PHEX: variants seen among roughly 807,000 people sequenced by gnomAD.
The protein encoded by PHEX is phosphate regulating endopeptidase X-linked, also known as phosphate-regulating neutral endopeptidase PHEX.
PHEX carries 16 observed loss-of-function variants against 68.0 expected under a neutral mutation model. The observed-to-expected ratio is 0.24, with a 90% CI of 0.16 to 0.36. The LOEUF is 0.36. PHEX is among the 10% of genes least tolerant of loss of function. The probability of loss-of-function intolerance (pLI) is 1.00; values close to 1 mark genes in which losing one functional copy is unlikely to be tolerated. For missense variants in PHEX, 480 were observed against 575.5 expected (o/e 0.83, Z 1.70); for synonymous variants, 208 against 205.1 (o/e 1.01, Z -0.12).
At chrX:22,216,492 C>CTTGCTTAT (rs1405603479) in intron 16 of PHEX, among the ~76,000 whole-genome samples, 16 of 88,041 alleles carry the variant, frequency 1.8e-4, no homozygotes, top group African/African-American at 7.3e-4. Flanking sequence ...TTTTTTTATG[C>CTTGCTTAT]TTATTTATTT....
intron 9 of PHEX, among the ~76,000 whole-genome samples, chrX:22,110,430 A>C (rs1438886619): frequency 8.9e-6 from 1 of 112,236 alleles, no homozygotes; most frequent in Non-Finnish European, 1.9e-5. Flanking sequence ...TTTTGTAGAC[A>C]TATTCTTTTT....
intron 3 of PHEX, among the ~76,000 whole-genome samples, chrX:22,053,465 G>C (rs1927931329): frequency 9.0e-6 from 1 of 111,278 alleles, no homozygotes; most frequent in Admixed American, 9.6e-5. Context: ...ATTCCGACTT[G>C]GGAAATAAAA....
At chrX:22,170,032 ATT>A (rs1050016924) in intron 13 of PHEX, among the ~76,000 whole-genome samples, 2 of 112,430 alleles carry the variant, frequency 1.8e-5, no homozygotes, top group Non-Finnish European at 3.8e-5. Context: ...CATATAAAAT[ATT>A]CCATTTCATT....
At chrX:22,037,071 C>G (rs1158428165) in intron 1 of PHEX, among the ~76,000 whole-genome samples, 1 of 101,034 alleles carries the variant, frequency 9.9e-6, no homozygotes, top group Non-Finnish European at 2.0e-5. Flanking sequence ...TGCACTCCAG[C>G]CTGGGTGACA....
intron 20 of PHEX, among the ~76,000 whole-genome samples, chrX:22,236,918 A>G (rs1936001394): frequency 8.9e-6 from 1 of 112,621 alleles, no homozygotes; most frequent in African/African-American, 3.2e-5. Context: ...ATACCAAACT[A>G]AACTATAGCT....
At chrX:22,128,590 TTTGCTGAAGA>T (rs1165451598) in intron 11 of PHEX, among the ~76,000 whole-genome samples, 1 of 111,372 alleles carries the variant, frequency 9.0e-6, no homozygotes, top group East Asian at 2.8e-4. Flanking sequence ...AATTCCAAAA[TTTGCTGAAGA>T]TCTTTTTAGC....
At chrX:22,081,154 T>G (rs911802016) in intron 5 of PHEX, among the ~76,000 whole-genome samples, 1 of 110,782 alleles carries the variant, frequency 9.0e-6, no homozygotes, top group African/African-American at 3.3e-5. Context: ...AAACTGAACC[T>G]TAGTCTAGGC....
chrX:22,248,324 C>G lies in PHEX; in HGVS notation c.*371C>G, dbSNP rs982385924. Reference sequence around the variant, plus strand: ...TGTGGGAAGCCTAAATTGATGTATCCTTTAAAAGTTCAATCTATTAAACTT... The same window carrying G: ...TGTGGGAAGCCTAAATTGATGTATCGTTTAAAAGTTCAATCTATTAAACTT... On this transcript the variant is annotated 3_prime_UTR_variant, in exon 22 of 22. Coordinates refer to ENST00000379374, the MANE Select transcript of PHEX (RefSeq NM_000444.6). The G allele has an allele frequency of 3.9e-5, 8 of 204,492 alleles. No individual in the cohort carries two copies. Among genetic ancestry groups the G allele is most frequent in the Non-Finnish European group, 6.3e-5 (7 of 111,707 alleles). The allele number at this position is 204,492 out of a possible 1,213,427, so 16.9% of individuals were successfully genotyped here. A position where few individuals can be genotyped will look rare whatever the true frequency, so the allele number is the denominator to read the frequency against.
chrX:22,052,939 G>A (rs1927906799), intron 3 of PHEX, among the ~76,000 whole-genome samples: 1 of 110,149 alleles, frequency 9.1e-6, no homozygotes, highest in Non-Finnish European at 1.9e-5. Context: ...TACCCTAAAA[G>A]CTATTGAAAT....
chrX:22,076,586 A>G lies in PHEX; in HGVS notation c.436+112A>G, dbSNP rs190777621. On this transcript the variant is annotated intron_variant, in intron 4 of 21. Transcript: ENST00000379374. ...AAGAGAACTACTAAGAATTCTATTAATGTTTAAAGGTGTTAAAGGAATGAT... is the reference window on the plus strand; with the variant it reads ...AAGAGAACTACTAAGAATTCTATTAGTGTTTAAAGGTGTTAAAGGAATGAT... The G allele has an allele frequency of 9.0e-4, 501 of 557,020 alleles. 1 individual carries two copies. The African/African-American group carries it at 9.4e-3, about 10-fold the overall frequency. 45.9% of individuals were successfully genotyped at this position (557,020 alleles called of 1,213,427 possible).
At chrX:22,107,473 CG>C (rs1930753767) in intron 9 of PHEX, among the ~76,000 whole-genome samples, 1 of 112,010 alleles carries the variant, frequency 8.9e-6, no homozygotes, top group Non-Finnish European at 1.9e-5. Flanking sequence ...GGACCAAGAT[CG>C]GCCCATTAAT....
chrX:22,159,873 A>G (rs1442588586), intron 12 of PHEX, among the ~76,000 whole-genome samples: 3 of 112,550 alleles, frequency 2.7e-5, no homozygotes, highest in African/African-American at 9.7e-5. Context: ...AACTAAATGT[A>G]TCCATATTCT....
intron 3 of PHEX, among the ~76,000 whole-genome samples, chrX:22,067,463 T>G (rs1928660927): frequency 9.0e-6 from 1 of 111,426 alleles, no homozygotes; most frequent in African/African-American, 3.3e-5. Context: ...GGAGGGTGTT[T>G]CCAAAACAAA....
At chrX:22,050,708 T>C (rs1927792184) in intron 3 of PHEX, among the ~76,000 whole-genome samples, 1 of 111,462 alleles carries the variant, frequency 9.0e-6, no homozygotes, top group African/African-American at 3.3e-5. Flanking sequence ...TGTTTGTTTG[T>C]TTTAGATAGT....
At chrX:22,231,400 C>T (rs1217838418) in intron 20 of PHEX, among the ~76,000 whole-genome samples, 4 of 111,489 alleles carry the variant, frequency 3.6e-5, no homozygotes, top group Middle Eastern at 4.7e-3. Context: ...CTGTCTGGTC[C>T]TCAACTTTTT....
intron 20 of PHEX, among the ~76,000 whole-genome samples, chrX:22,241,229 G>A (rs1181906344): frequency 2.7e-5 from 3 of 112,019 alleles, no homozygotes; most frequent in South Asian, 3.7e-4. Flanking sequence ...TGAAACTAAC[G>A]AGAACAAAGA....
At chrX:22,126,736 G>A (rs957430936) in intron 11 of PHEX, among the ~76,000 whole-genome samples, 5 of 110,827 alleles carry the variant, frequency 4.5e-5, no homozygotes, top group Non-Finnish European at 9.4e-5. Flanking sequence ...ATCCTGGGGT[G>A]CAAAGAATGA....
intron 4 of PHEX, among the ~76,000 whole-genome samples, chrX:22,076,794 G>A (rs907884422): frequency 6.2e-5 from 7 of 112,340 alleles, no homozygotes; most frequent in African/African-American, 1.9e-4. Flanking sequence ...GGCCAAGTCT[G>A]GCTTGAGACA....
At chrX:22,172,596 G>C (rs1410899170) in intron 13 of PHEX, 2 of 111,082 alleles carry the variant, frequency 1.8e-5, no homozygotes, top group African/African-American at 6.6e-5. Flanking sequence ...AGGGAGTAGA[G>C]GGGGAGAGAG....
Sources: gnomAD v4.1 joint callset for allele counts (sites outside exome capture counted in the v4.1 genomes callset) on GRCh38, gnomAD v4.1.1 for gene constraint, MANE v1.5 for transcripts, NCBI Gene and HGNC (gene_info 2026-07-23, HGNC 2026-07-21) for gene names.